CFAP73: variants seen among roughly 807,000 people sequenced by gnomAD.
CFAP73 encodes the protein cilia- and flagella-associated protein 73.
A neutral mutation model predicts 42.9 loss-of-function variants in CFAP73; 33 were observed. The observed-to-expected ratio is 0.77, with a 90% CI of 0.58 to 1.03. The LOEUF (loss-of-function observed/expected upper bound fraction) is 1.03, where lower values mean the gene tolerates loss of function less well. Among genes scored for constraint, CFAP73 ranks in the 50% least tolerant of loss-of-function variants. The pLI is 0.00. For synonymous variants in CFAP73, 162 were observed against 186.8 expected, an observed-to-expected ratio of 0.87 and a Z score of 1.08; for missense variants, 392 against 411.9, an observed-to-expected ratio of 0.95 and a Z score of 0.42.
chr12:113,157,816 C>G, intron 7 of CFAP73, 126 bp downstream of exon 7: 1 of 736,312 alleles, frequency 1.4e-6, no homozygotes, highest in Non-Finnish European at 2.3e-6. Flanking sequence ...AGGGCTGTGC[C>G]TGTTCAGAGT....
At chr12:113,152,710 T>A (rs971290682) in intron 2 of CFAP73, 73 bp from the exon 3 acceptor site, 5 of 1,017,586 alleles carry the variant, frequency 4.9e-6, no homozygotes, top group Admixed American at 2.0e-5. Context: ...TGGAAGGGGT[T>A]AGGTGTGAAC....
At chr12:113,155,441 C>A (rs1952112084) in intron 6 of CFAP73, 23 bp downstream of exon 6, 2 of 1,522,440 alleles carry the variant, frequency 1.3e-6, no homozygotes, top group African/African-American at 1.4e-5. Context: ...CTTTATGGCA[C>A]CTCCAGCCCC....
intron 6 of CFAP73, among the ~76,000 whole-genome samples, chr12:113,156,416 G>A (rs1220063987): frequency 3.3e-5 from 5 of 151,734 alleles, no homozygotes; most frequent in South Asian, 2.1e-4. Flanking sequence ...CGGCTCTTAA[G>A]ACACGAGTCT....
intron 6 of CFAP73, among the ~76,000 whole-genome samples, chr12:113,156,120 A>G (rs1317140213): frequency 1.3e-5 from 2 of 151,982 alleles, no homozygotes; most frequent in East Asian, 3.9e-4. Flanking sequence ...GGGTTTCACC[A>G]GGTTGGCCAG....
In CFAP73 at chr12:113,157,599, C is replaced by G. The variant is rs570675069; in HGVS notation, c.850-3C>G. The G allele has an allele frequency of 1.4e-5, 21 of 1,551,638 alleles. No individual in the cohort carries two copies. Among genetic ancestry groups the G allele is most frequent in the Non-Finnish European group, 1.8e-5 (21 of 1,146,950 alleles). ...GATGTGACTTCGTGCTGGGCCCCCC[C>G]AGGTGAAGCTGTTCATGCAGGACCT... On this transcript the variant is annotated splice_region_variant and splice_polypyrimidine_tract_variant and intron_variant, in intron 6 of 7. Coordinates refer to ENST00000335621, the MANE Select transcript of CFAP73 (RefSeq NM_001144872.3).
intron 4 of CFAP73, 109 bp downstream of exon 4, chr12:113,153,517 T>C: frequency 1.1e-6 from 1 of 882,302 alleles, no homozygotes; most frequent in Non-Finnish European, 1.6e-6. Flanking sequence ...ACTGGAGATC[T>C]TGGCATGCAT....
intron 5 of CFAP73, among the ~76,000 whole-genome samples, chr12:113,155,050 C>A (rs1952105846): frequency 6.6e-6 from 1 of 152,120 alleles, no homozygotes. Flanking sequence ...GGCGCCTGTA[C>A]TCCCAGCTAC....
chr12:113,155,302 ACT>A lies in CFAP73; in HGVS notation c.736_737del (p.Leu246AlafsTer56), dbSNP rs1204331488. 14 of 1,549,786 alleles carry A rather than the reference ACT, an allele frequency of 9.0e-6. No homozygotes were observed. Among genetic ancestry groups the A allele is most frequent in the South Asian group, 1.2e-5 (1 of 83,932 alleles). On this transcript the variant is annotated frameshift_variant, in exon 6 of 8. Coordinates refer to ENST00000335621, the MANE Select transcript of CFAP73 (RefSeq NM_001144872.3). LOFTEE classifies it high-confidence loss of function. ...GATTCAGAACACAGCAGCGGAGAAG[ACT>A]CTGCTCCTGGGACGCAGCAGGATGG... is the stretch of plus-strand genomic sequence containing the variant. ...IQIQNTAAEK[T>X]LLLGRSRMAV...
At chr12:113,152,123 C>G (rs2136305115) in intron 2 of CFAP73, 100 bp downstream of exon 2, 2 of 785,214 alleles carry the variant, frequency 2.5e-6, no homozygotes, top group East Asian at 5.5e-5. Flanking sequence ...TTTCACCACT[C>G]CAAGCCTTGA....
Position 113,152,839 on chromosome 12 carries a change from G to T in CFAP73, c.219G>T (p.Lys73Asn). 6.4e-7 allele frequency: 1 copy of T among 1,551,716 alleles called. No homozygotes were observed. The highest frequency in any genetic ancestry group is 8.7e-7 in the Non-Finnish European group (1 of 1,146,982). The stretch of plus-strand genomic sequence containing the variant: ...AGCGTTGGGAACAGCTGGAACAAAA[G>T]GAGCGGGAGCTAAAGGGATCGTTCA... The part of the protein sequence containing the change: ...LKQRWEQLEQ[K>N]ERELKGSFIR... The change falls in exon 3 of 8, where the codon AAG (lysine) becomes AAT (asparagine). Residue 73 changes from lysine (K) to asparagine (N), a missense_variant. Physicochemically the swap from Lys to Asn is moderately conservative, Grantham distance 94. Transcript: ENST00000335621.
In CFAP73 at chr12:113,155,283, G is replaced by T; in HGVS notation, c.714G>T (p.Gln238His). The T allele has an allele frequency of 6.5e-7, 1 of 1,545,898 alleles. No individual in the cohort carries two copies. The highest frequency in any genetic ancestry group is 8.8e-7 in the Non-Finnish European group (1 of 1,142,470). ...AGGAATCCAAGTGGATTCAGATTCA[G>T]AACACAGCAGCGGAGAAGACTCTGC... ...LQWESKWIQIQNTAAEKTLLL... is the reference protein window; with the variant it reads ...LQWESKWIQIHNTAAEKTLLL... The change falls in exon 6 of 8, where the codon CAG becomes CAT. Residue 238 changes from glutamine (Q) to histidine (H), a missense_variant. Coordinates refer to ENST00000335621, the MANE Select transcript of CFAP73 (RefSeq NM_001144872.3).
chr12:113,157,750 A>G (rs112274118), intron 7 of CFAP73, 60 bp downstream of exon 7: 5 of 1,247,640 alleles, frequency 4.0e-6, no homozygotes, highest in Admixed American at 2.0e-5. Flanking sequence ...CACATTTCCA[A>G]TGGGGTGTGG....
At chr12:113,152,945 T>C in intron 3 of CFAP73, 58 bp downstream of exon 3, 8 of 1,196,164 alleles carry the variant, frequency 6.7e-6, no homozygotes, top group Non-Finnish European at 9.6e-6. Context: ...CACACTCCTA[T>C]AGGGGCCCGG....
At chr12:113,155,964 G>A (rs563621125) in intron 6 of CFAP73, among the ~76,000 whole-genome samples, 1 of 145,298 alleles carries the variant, frequency 6.9e-6, no homozygotes, top group East Asian at 2.0e-4. Flanking sequence ...GTCTAGTTCT[G>A]TCACCTAGGC....
At position 113,157,700 on chromosome 12, in the gene CFAP73, G is replaced by C; in HGVS notation, c.*11+10G>C. The C allele has an allele frequency of 6.5e-7, 1 of 1,546,700 alleles. No homozygotes were observed. The highest frequency in any genetic ancestry group is 8.7e-7 in the Non-Finnish European group (1 of 1,143,016). ...CCTAGCCCTGACACAGGTGAGCAGC[G>C]GGAGAGGGAACCCCTGAGAGACCCT... On this transcript the variant is annotated intron_variant, in intron 7 of 7. Coordinates refer to ENST00000335621, the MANE Select transcript of CFAP73 (RefSeq NM_001144872.3).
Position 113,159,111 on chromosome 12 carries a change from T to C in CFAP73, c.*422T>C. On this transcript the variant is annotated 3_prime_UTR_variant, in exon 8 of 8. Transcript: ENST00000335621. ...CTGGGGCGTGGGGCCGGGATGCACC[T>C]GCTGGGACAGGGATTCAGGGAGCTC... is the stretch of plus-strand genomic sequence containing the variant. 1 of 1,590,384 alleles carries C rather than the reference T, an allele frequency of 6.3e-7. No homozygotes were observed. The highest frequency in any genetic ancestry group is 8.5e-7 in the Non-Finnish European group (1 of 1,169,620).
In CFAP73 at chr12:113,153,364, C is replaced by T. The variant is rs1204286035; in HGVS notation, c.424C>T (p.Pro142Ser). The T allele has an allele frequency of 1.3e-6, 2 of 1,485,654 alleles. No homozygotes were observed. Among genetic ancestry groups the T allele is most frequent in the Admixed American group, 2.3e-5 (1 of 44,312 alleles). The allele number at this position is 1,485,654 out of a possible 1,614,324, so 92.0% of individuals were successfully genotyped here. Residue 142 changes from proline to serine, a missense_variant, in exon 4 of 8, where the codon CCC (proline) becomes TCC (serine). Physicochemically the swap from Pro to Ser is moderately conservative, Grantham distance 74. Transcript: ENST00000335621. ...GCAGCGCCGGCTTAAGCGCCTGGAG[C>T]CCTGCGCGCGCCTGCTGGAGCAAGC... The part of the protein sequence containing the change: ...RLQRRLKRLE[P>S]CARLLEQALE...
intron 5 of CFAP73, 85 bp from the exon 6 acceptor site, chr12:113,155,175 G>GATA: frequency 9.4e-7 from 1 of 1,069,142 alleles, no homozygotes; most frequent in Non-Finnish European, 1.3e-6. Flanking sequence ...ATCTCAAAAA[G>GATA]AAAAAAAAAA....
Position 113,154,649 on chromosome 12 carries a change from T to C in CFAP73, c.690+14T>C, listed in dbSNP as rs569409543. 1.4e-6 allele frequency: 2 copies of C among 1,386,416 alleles called. No homozygotes were observed. The highest frequency in any genetic ancestry group is 5.9e-5 in the East Asian group (2 of 33,960). The allele number at this position is 1,386,416 out of a possible 1,614,324, so 85.9% of individuals were successfully genotyped here. A position where few individuals can be genotyped will look rare whatever the true frequency, so the allele number is the denominator to read the frequency against. On this transcript the variant is annotated intron_variant, in intron 5 of 7. Transcript: ENST00000335621. This position sits in a 1 kb window ranked among gnomAD's most constrained non-coding sequence, Gnocchi z 4.7. ...ACGCTGCAGTGGGTACGACCCGCCC[T>C]AGGTGGGGGGCGCTCCGGACCCCAG...
Sources: gnomAD v4.1 joint callset for allele counts (sites outside exome capture counted in the v4.1 genomes callset) on GRCh38, gnomAD v4.1.1 for gene constraint, Gnocchi (gnomAD v3.1) non-coding constraint, MANE v1.5 for transcripts, NCBI Gene and HGNC (gene_info 2026-07-23, HGNC 2026-07-21) for gene names.